Variants in LRP1B observed in about 807,000 individuals in gnomAD.
LRP1B encodes the protein LDL receptor related protein 1B.
A neutral mutation model predicts 556.6 loss-of-function variants in LRP1B; 217 were observed. That is an observed-to-expected ratio of 0.39 (90% CI 0.35 to 0.44). LRP1B has a LOEUF of 0.44. Ranked by LOEUF, LRP1B falls within the 20% of genes least tolerant of loss-of-function variation. The pLI, the probability that LRP1B is intolerant of heterozygous loss-of-function variation, is 1.00. For missense variants in LRP1B, 5,053 were observed against 5,620.8 expected, an observed-to-expected ratio of 0.90 and a Z score of 3.23; for synonymous variants, 2,047 against 1,865.8, an observed-to-expected ratio of 1.10 and a Z score of -2.50.
chr2:142,114,747 G>A lies in LRP1B; in HGVS notation c.82+15901C>T, dbSNP rs969672253. On this transcript the variant is annotated intron_variant, in intron 1 of 90. Transcript: ENST00000389484. ...AGTAGAGCAATAGATACTGAAGCCCGGGAAAGGTGTGCTAGGGTGGGAAAT... is the reference window on the plus strand; with the variant it reads ...AGTAGAGCAATAGATACTGAAGCCCAGGAAAGGTGTGCTAGGGTGGGAAAT... Among the ~76,000 whole-genome samples the A allele has an allele frequency of 3.9e-5, 6 of 152,028 alleles. No individual in the cohort carries two copies. The South Asian group carries it at 6.2e-4, about 16-fold the overall frequency.
In LRP1B at chr2:141,176,787, T is replaced by C. The variant is rs542133673; in HGVS notation, c.1013+11634A>G. 1.4e-4 allele frequency among the ~76,000 whole-genome samples: 21 copies of C among 152,192 alleles called. No homozygotes were observed. In the East Asian group the frequency reaches 4.1e-3, roughly 30 times the overall value. Reference sequence around the variant, plus strand: ...AAATAATAAAACTGAATTTTGACTATAAAGAGGATTTTGAAAAAGATGACT... The same window carrying C: ...AAATAATAAAACTGAATTTTGACTACAAAGAGGATTTTGAAAAAGATGACT... On this transcript the variant is annotated intron_variant, in intron 7 of 90. Transcript: ENST00000389484.
chr2:140,309,497 C>A lies in LRP1B; in HGVS notation c.12805+5438G>T, dbSNP rs932465191. Among the ~76,000 whole-genome samples, 3 of 151,674 alleles carry A rather than the reference C, an allele frequency of 2.0e-5. No individual in the cohort carries two copies. The Admixed American group carries it at 2.0e-4, about 10-fold the overall frequency. On this transcript the variant is annotated intron_variant, in intron 83 of 90. Coordinates refer to ENST00000389484, the MANE Select transcript of LRP1B (RefSeq NM_018557.3). ...TATTGCTCTCACCATATGGTCCAAT[C>A]GAATCACTAACTGTGACTCATGAAG...
At chr2:141,918,082 A>G (rs909865282) in intron 1 of LRP1B, among the ~76,000 whole-genome samples, 7 of 152,072 alleles carry the variant, frequency 4.6e-5, no homozygotes, top group African/African-American at 1.7e-4. Context: ...ATACAGTATG[A>G]TTCCATTTTT....
chr2:142,051,944 C>T (rs770385550), intron 1 of LRP1B, among the ~76,000 whole-genome samples: 34 of 152,132 alleles, frequency 2.2e-4, no homozygotes, highest in Non-Finnish European at 3.8e-4. Flanking sequence ...GTGTTCTTTA[C>T]ATTCTTGCAT....
chr2:140,250,458 C>G (rs556874740), intron 86 of LRP1B, among the ~76,000 whole-genome samples: 2 of 151,492 alleles, frequency 1.3e-5, no homozygotes, highest in South Asian at 4.2e-4. Flanking sequence ...AGGTACTGCT[C>G]TTAGCAGTTT....
intron 1 of LRP1B, among the ~76,000 whole-genome samples, chr2:142,009,295 C>CA (rs1702884709): frequency 1.3e-5 from 2 of 152,024 alleles, no homozygotes; most frequent in South Asian, 2.1e-4. Flanking sequence ...GAGTTTGAGC[C>CA]AGACATTAAG....
chr2:141,986,919 T>C (rs1018541094), intron 1 of LRP1B, among the ~76,000 whole-genome samples: 5 of 152,042 alleles, frequency 3.3e-5, no homozygotes, highest in Non-Finnish European at 7.4e-5. Context: ...CAGCATGGTA[T>C]AGTGCTTCAA....
intron 2 of LRP1B, among the ~76,000 whole-genome samples, chr2:141,571,704 C>T (rs528181502): frequency 2.8e-4 from 43 of 151,674 alleles, no homozygotes; most frequent in African/African-American, 1.0e-3. Context: ...GAGGAATTGC[C>T]ACTAGAACAA....
At chr2:140,703,488 T>G (rs549942744) in intron 37 of LRP1B, among the ~76,000 whole-genome samples, 2 of 152,162 alleles carry the variant, frequency 1.3e-5, no homozygotes, top group Non-Finnish European at 2.9e-5. Flanking sequence ...TGAAGTTACA[T>G]CTACTGAAGT....
At chr2:140,473,675 TTAAA>T (rs1687856625) in intron 60 of LRP1B, among the ~76,000 whole-genome samples, 1 of 151,908 alleles carries the variant, frequency 6.6e-6, no homozygotes, top group Non-Finnish European at 1.5e-5. Flanking sequence ...TGCAGTGTTT[TTAAA>T]TAGTCACCTA....
At chr2:140,246,800 C>G (rs1246816823) in intron 87 of LRP1B, among the ~76,000 whole-genome samples, 2 of 151,446 alleles carry the variant, frequency 1.3e-5, no homozygotes, top group Non-Finnish European at 3.0e-5. Context: ...ACTTTTTCAG[C>G]TGATGAATAT....
chr2:141,402,620 TTTA>T (rs1301269654), intron 3 of LRP1B, among the ~76,000 whole-genome samples: 6 of 152,096 alleles, frequency 3.9e-5, no homozygotes, highest in African/African-American at 1.4e-4. Flanking sequence ...CATGTATACT[TTTA>T]TTATTTCCTG....
At chr2:140,705,494 A>ATTGCACT (rs1686797920) in intron 37 of LRP1B, among the ~76,000 whole-genome samples, 1 of 135,168 alleles carries the variant, frequency 7.4e-6, no homozygotes, top group Non-Finnish European at 1.5e-5. Flanking sequence ...ATTGCACTCC[A>ATTGCACT]GCATGGGGAA....
At chr2:140,917,227 T>G (rs1364302357) in intron 21 of LRP1B, among the ~76,000 whole-genome samples, 1 of 152,154 alleles carries the variant, frequency 6.6e-6, no homozygotes, top group Non-Finnish European at 1.5e-5. Context: ...CAGCAGAAAT[T>G]TTCATTCATC....
chr2:140,992,585 A>ACTT (rs2105356938), intron 16 of LRP1B: 1 of 152,228 alleles, frequency 6.6e-6, no homozygotes, highest in African/African-American at 2.4e-5. Context: ...GACTCTTCAC[A>ACTT]CTTAGTTACA....
intron 43 of LRP1B, among the ~76,000 whole-genome samples, chr2:140,578,314 G>A (rs1384698019): frequency 1.3e-5 from 2 of 152,062 alleles, no homozygotes; most frequent in African/African-American, 4.8e-5. Flanking sequence ...TTTTAGGTGG[G>A]GGCGGACGAC....
rs1553562513 is a variant in LRP1B, at chr2:140,932,886, T to TATACACAC, written c.3137-9740_3137-9739insGTGTGTAT. Among the ~76,000 whole-genome samples, 10 of 127,556 alleles carry TATACACAC rather than the reference T, an allele frequency of 7.8e-5. 1 individual carries two copies. In the Admixed American group the frequency reaches 8.3e-4, roughly 11 times the overall value. 83.7% of individuals were successfully genotyped at this position (127,556 alleles called of 152,430 possible). ...GTGAGACACTCTCTCTCTCTCCCTATACACACACACACACACACACACACA... is the reference window on the plus strand; with the variant it reads ...GTGAGACACTCTCTCTCTCTCCCTATATACACACACACACACACACACACACACACACA... On this transcript the variant is annotated intron_variant, in intron 20 of 90. Coordinates refer to ENST00000389484, the MANE Select transcript of LRP1B (RefSeq NM_018557.3).
intron 2 of LRP1B, among the ~76,000 whole-genome samples, chr2:141,710,725 A>G (rs1415306765): frequency 3.3e-5 from 5 of 152,210 alleles, no homozygotes; most frequent in Admixed American, 6.5e-5. Context: ...AGATTCTCCA[A>G]CTAAGATTTA....
chr2:140,965,804 G>GTTTT (rs56096461), intron 18 of LRP1B, among the ~76,000 whole-genome samples: 4,964 of 144,922 alleles, frequency 0.034, 190 homozygotes, highest in East Asian at 0.14. Context: ...AACATGCAGT[G>GTTTT]TTTTTTTTTT....
Sources: allele counts gnomAD v4.1 joint callset (sites outside exome capture counted in the v4.1 genomes callset), GRCh38; gene constraint gnomAD v4.1.1; transcripts MANE v1.5; gene names NCBI Gene and HGNC (gene_info 2026-07-23, HGNC 2026-07-21).